ACVR1B: variants seen among roughly 807,000 people sequenced by gnomAD.
The protein encoded by ACVR1B is activin A receptor type 1B.
A neutral mutation model predicts 55.6 loss-of-function variants in ACVR1B; 15 were observed. That is an observed-to-expected ratio of 0.27 (90% CI 0.18 to 0.42). ACVR1B has a LOEUF of 0.42. Ranked by LOEUF, ACVR1B falls within the 10% of genes least tolerant of loss-of-function variation. The pLI, the probability that ACVR1B is intolerant of heterozygous loss-of-function variation, is 1.00. For missense variants in ACVR1B, 359 were observed against 670.1 expected (o/e 0.54, Z 5.13); for synonymous variants, 247 against 254.6 (o/e 0.97, Z 0.28).
intron 6 of ACVR1B, among the ~76,000 whole-genome samples, chr12:51,986,521 A>G (rs1942079394): frequency 6.6e-6 from 1 of 152,202 alleles, no homozygotes; most frequent in Non-Finnish European, 1.5e-5. Context: ...TGGCCTCCCA[A>G]AGTGCTGGGA....
intron 5 of ACVR1B, 110 bp from the exon 6 acceptor site, chr12:51,985,082 T>G (rs1565620808): frequency 2.6e-6 from 3 of 1,155,492 alleles, no homozygotes. Flanking sequence ...GGTCACTGGA[T>G]TAGCAGGAGG....
intron 1 of ACVR1B, among the ~76,000 whole-genome samples, chr12:51,958,664 AG>A (rs1298470408): frequency 2.6e-5 from 4 of 151,988 alleles, no homozygotes; most frequent in African/African-American, 9.7e-5. Context: ...AAAAAAGAAA[AG>A]AAAGATCATC....
At chr12:51,983,164 T>C (rs1942012055) in intron 4 of ACVR1B, among the ~76,000 whole-genome samples, 2 of 152,254 alleles carry the variant, frequency 1.3e-5, no homozygotes, top group East Asian at 1.9e-4. Flanking sequence ...AGCGCCAGCC[T>C]GGAATTTTGG....
At chr12:51,986,676 A>G in intron 6 of ACVR1B, 142 bp from the exon 7 acceptor site, 1 of 1,139,926 alleles carries the variant, frequency 8.8e-7, no homozygotes, top group Non-Finnish European at 1.2e-6. Context: ...TGCAATGAAG[A>G]GATGTGTACA....
chr12:51,956,335 A>C (rs2120427409), intron 1 of ACVR1B, among the ~76,000 whole-genome samples: 1 of 152,344 alleles, frequency 6.6e-6, no homozygotes, highest in Admixed American at 6.5e-5. Flanking sequence ...AACATATAGG[A>C]GATTTCTTTA....
chr12:51,994,265 T>G lies in ACVR1B; in HGVS notation c.*155T>G. 1 of 1,055,602 alleles carries G rather than the reference T, an allele frequency of 9.5e-7. No homozygotes were observed. Among genetic ancestry groups the G allele is most frequent in the Non-Finnish European group, 1.4e-6 (1 of 739,004 alleles). 65.4% of individuals were successfully genotyped at this position (1,055,602 alleles called of 1,614,324 possible). On this transcript the variant is annotated 3_prime_UTR_variant, in exon 9 of 9. Coordinates refer to ENST00000257963, the MANE Select transcript of ACVR1B (RefSeq NM_004302.5). This position sits in a 1 kb window ranked among gnomAD's most constrained non-coding sequence, Gnocchi z 4.2. ...GGGACAGAGCCCGGGAGAGACTCGC[T>G]CACTCCCATGTTGGGTTTGAGACAG...
chr12:51,963,172 T>C (rs549393906), intron 1 of ACVR1B, among the ~76,000 whole-genome samples: 1 of 152,108 alleles, frequency 6.6e-6, no homozygotes, highest in African/African-American at 2.4e-5. Context: ...AATTTAGTAG[T>C]GTTTAAGTAC....
In ACVR1B at chr12:51,994,189, A is replaced by G. The variant is rs1049303263; in HGVS notation, c.*79A>G. ...CGCGTTGAGCGTACGATGGAGGCCT[A>G]CCTCTCGTTTCTGCCCAGCCCTCTG... On this transcript the variant is annotated 3_prime_UTR_variant, in exon 9 of 9. Coordinates refer to ENST00000257963, the MANE Select transcript of ACVR1B (RefSeq NM_004302.5). The surrounding 1 kb of genome is among the most constrained non-coding windows in gnomAD (Gnocchi z 4.2). 4.2e-5 allele frequency: 65 copies of G among 1,562,342 alleles called. No individual in the cohort carries two copies. The highest frequency in any genetic ancestry group is 4.9e-5 in the Non-Finnish European group (57 of 1,157,516).
intron 1 of ACVR1B, among the ~76,000 whole-genome samples, chr12:51,952,187 C>T (rs908855468): frequency 2.0e-5 from 3 of 151,582 alleles, no homozygotes; most frequent in East Asian, 2.0e-4. Flanking sequence ...TGCCCTTCAC[C>T]GTGTCCAGGG....
At chr12:51,982,007 T>G (rs1356438715) in intron 4 of ACVR1B, among the ~76,000 whole-genome samples, 1 of 152,188 alleles carries the variant, frequency 6.6e-6, no homozygotes, top group African/African-American at 2.4e-5. Flanking sequence ...CTTCTTCCTC[T>G]CCCTTTTATT....
intron 5 of ACVR1B, 26 bp downstream of exon 5, chr12:51,984,192 G>A (rs1235204215): frequency 1.7e-5 from 28 of 1,613,318 alleles, no homozygotes; most frequent in Middle Eastern, 1.8e-4. Flanking sequence ...CAGGAGCGGC[G>A]AAGTGGTGTA....
chr12:51,962,561 T>C (rs938191193), intron 1 of ACVR1B, among the ~76,000 whole-genome samples: 4 of 152,202 alleles, frequency 2.6e-5, no homozygotes, highest in Non-Finnish European at 4.4e-5. Flanking sequence ...TGCTGCAAGA[T>C]TTTTCTATTT....
rs368988921 is a variant in ACVR1B at position 51,991,965 on chromosome 12, A to T, written c.1364A>T (p.Asn455Ile). Residue 455 changes from asparagine to isoleucine, a missense_variant, in exon 8 of 9, where the codon AAC (asparagine) becomes ATC (isoleucine). Physicochemically the swap from Asn to Ile is moderately radical, Grantham distance 149. Around this residue, in one of 5 missense-constraint regions of ACVR1B, gnomAD observed 53 missense variants for 78.5 expected, o/e 0.68. Coordinates refer to ENST00000257963, the MANE Select transcript of ACVR1B (RefSeq NM_004302.5). ...GTATGTGATCAGAAGCTGCGTCCCA[A>T]CATCCCCAACTGGTGGCAGAGTTAT... ...KVVCDQKLRP[N>I]IPNWWQSYEA... 1.3e-5 allele frequency: 21 copies of T among 1,614,092 alleles called. No individual in the cohort carries two copies. The East Asian group carries it at 1.3e-4, about 10-fold the overall frequency.
intron 4 of ACVR1B, among the ~76,000 whole-genome samples, chr12:51,983,643 C>T (rs1457471819): frequency 1.1e-4 from 17 of 152,218 alleles, no homozygotes; most frequent in Admixed American, 1.0e-3. Context: ...AGGATCAAAG[C>T]AGTGCTGCAC....
At position 51,976,348 on chromosome 12, in the gene ACVR1B, A is replaced by T; in HGVS notation, c.353A>T (p.His118Leu). 6.2e-7 allele frequency: 1 copy of T among 1,614,016 alleles called. No homozygotes were observed. The highest frequency in any genetic ancestry group is 8.5e-7 in the Non-Finnish European group (1 of 1,180,004). Residue 118 changes from histidine to leucine, a missense_variant, in exon 3 of 9, where the codon CAC becomes CTC. By Grantham distance (99) the His-to-Leu change is moderately conservative (BLOSUM62 -3). This residue lies in a region of ACVR1B where 133 missense variants were observed against 188.2 expected (regional missense o/e 0.71). Coordinates refer to ENST00000257963, the MANE Select transcript of ACVR1B (RefSeq NM_004302.5). ...TCAGGTCACCTCAAGGAGCCTGAGC[A>T]CCCGTCCATGTGGGGCCCGGTGGAG... ...VPSGHLKEPE[H>L]PSMWGPVELV...
At chr12:51,983,050 T>A (rs547955784) in intron 4 of ACVR1B, among the ~76,000 whole-genome samples, 1 of 152,274 alleles carries the variant, frequency 6.6e-6, no homozygotes, top group South Asian at 2.1e-4. Context: ...TGAGTAGGGA[T>A]CTGGCTTTCA....
intron 3 of ACVR1B, among the ~76,000 whole-genome samples, chr12:51,977,857 A>G (rs1407865254): frequency 6.7e-6 from 1 of 149,200 alleles, no homozygotes; most frequent in Admixed American, 6.7e-5. Flanking sequence ...CTTGGCTTCA[A>G]GTCCATTCTT....
intron 4 of ACVR1B, among the ~76,000 whole-genome samples, chr12:51,982,340 A>G (rs984497812): frequency 6.6e-6 from 1 of 152,214 alleles, no homozygotes; most frequent in Non-Finnish European, 1.5e-5. Context: ...AGAGGATTGT[A>G]TTCCATTCTG....
At chr12:51,962,792 A>AGAAATGTATATAAAGT (rs1429946931) in intron 1 of ACVR1B, among the ~76,000 whole-genome samples, 1 of 152,258 alleles carries the variant, frequency 6.6e-6, no homozygotes, top group Admixed American at 6.5e-5. Flanking sequence ...ATGAAAATGT[A>AGAAATGTATATAAAGT]GAAATGTATA....
Sources: allele counts gnomAD v4.1 joint callset (sites outside exome capture counted in the v4.1 genomes callset), GRCh38; gene constraint gnomAD v4.1.1; regional missense constraint gnomAD v4.1.1; non-coding constraint Gnocchi (gnomAD v3.1); transcripts MANE v1.5; gene names NCBI Gene and HGNC (gene_info 2026-07-23, HGNC 2026-07-21).